PRKCE: variants seen among roughly 807,000 people sequenced by gnomAD.
PRKCE encodes the protein protein kinase C epsilon, also known as protein kinase C epsilon type.
In PRKCE, 16 loss-of-function variants were observed where a neutral mutation model predicts 85.4. The ratio of observed to expected loss-of-function variants is 0.19; its 90% CI spans 0.13 to 0.28. The LOEUF (loss-of-function observed/expected upper bound fraction) is 0.28, where lower values mean the gene tolerates loss of function less well. PRKCE is among the 10% of genes least tolerant of loss of function. The probability of loss-of-function intolerance (pLI) is 1.00; values close to 1 mark genes in which losing one functional copy is unlikely to be tolerated. For synonymous variants in PRKCE, 388 were observed against 371.5 expected (o/e 1.04, Z -0.51); for missense variants, 573 against 975.2 (o/e 0.59, Z 5.49).
At chr2:45,676,320 T>C (rs1021216986) in intron 1 of PRKCE, 2 of 152,226 alleles carry the variant, frequency 1.3e-5, no homozygotes, top group Non-Finnish European at 2.9e-5. Flanking sequence ...ATAATGCAAG[T>C]ATTCTAGTGA....
intron 1 of PRKCE, among the ~76,000 whole-genome samples, chr2:45,777,580 C>CA (rs1250950490): frequency 3.9e-5 from 6 of 152,160 alleles, no homozygotes; most frequent in African/African-American, 1.4e-4. Context: ...ATACGTCTAG[C>CA]ACCCTGCGTA....
At chr2:45,834,002 C>T (rs1405533533) in intron 1 of PRKCE, among the ~76,000 whole-genome samples, 7 of 152,178 alleles carry the variant, frequency 4.6e-5, no homozygotes, top group Non-Finnish European at 1.0e-4. Context: ...TTTCTCAGCT[C>T]AAGAAAGCAT....
At chr2:46,122,026 A>T (rs556797682) in intron 11 of PRKCE, among the ~76,000 whole-genome samples, 36 of 151,866 alleles carry the variant, frequency 2.4e-4, no homozygotes, top group African/African-American at 8.5e-4. Context: ...TCGAGTGCAC[A>T]GTTCTTAGAT....
At chr2:46,086,491 T>C in intron 11 of PRKCE, 129 bp downstream of exon 11, 2 of 1,174,714 alleles carry the variant, frequency 1.7e-6, no homozygotes, top group South Asian at 1.6e-5. Context: ...TTTGTTCCAA[T>C]TTGCTTACAG....
intron 1 of PRKCE, among the ~76,000 whole-genome samples, chr2:45,653,069 T>A (rs1208021095): frequency 2.6e-5 from 4 of 152,198 alleles, no homozygotes; most frequent in Non-Finnish European, 5.9e-5. Flanking sequence ...TCATTGCCCA[T>A]CCATGCAGAA....
intron 10 of PRKCE, among the ~76,000 whole-genome samples, chr2:46,031,591 C>CGTGTGTGT (rs58684318): frequency 0.013 from 1,826 of 144,094 alleles, 13 homozygotes; most frequent in Middle Eastern, 0.017. Flanking sequence ...ACATTCTGCT[C>CGTGTGTGT]GTGTGTGTGT....
chr2:45,782,916 T>C (rs1274156534), intron 1 of PRKCE, among the ~76,000 whole-genome samples: 3 of 152,208 alleles, frequency 2.0e-5, no homozygotes, highest in African/African-American at 7.2e-5. Context: ...TTGGAGACAG[T>C]TCACGAGAAA....
rs1015331107 is a variant in PRKCE at position 46,068,846 on chromosome 2, T to C, written c.1438-17362T>C. 6.6e-6 allele frequency among the ~76,000 whole-genome samples: 1 copy of C among 152,184 alleles called. No individual in the cohort carries two copies. Among genetic ancestry groups the C allele is most frequent in the Non-Finnish European group, 1.5e-5 (1 of 68,034 alleles). ...AAGTAGGGACTTGTGAGATACCAGA[T>C]TGAAATTTAGATTACCACCAGACGA... On this transcript the variant is annotated intron_variant, in intron 10 of 14. Coordinates refer to ENST00000306156, the MANE Select transcript of PRKCE (RefSeq NM_005400.3). The surrounding 1 kb of genome is among the most constrained non-coding windows in gnomAD (Gnocchi z 4.3).
intron 1 of PRKCE, among the ~76,000 whole-genome samples, chr2:45,770,504 C>G (rs1004847564): frequency 2.6e-5 from 4 of 152,212 alleles, no homozygotes; most frequent in African/African-American, 9.7e-5. Flanking sequence ...GGACGGTTTA[C>G]TGTTTCCACA....
intron 2 of PRKCE, among the ~76,000 whole-genome samples, chr2:45,965,122 C>G (rs1252043792): frequency 6.6e-6 from 1 of 152,220 alleles, no homozygotes; most frequent in African/African-American, 2.4e-5. Flanking sequence ...GTGTGCCTCT[C>G]TGGGAAGATA....
chr2:45,927,404 A>G (rs1314167335), intron 2 of PRKCE, among the ~76,000 whole-genome samples: 2 of 152,184 alleles, frequency 1.3e-5, no homozygotes, highest in African/African-American at 4.8e-5. Context: ...CAATCTTCCT[A>G]TGAAGCAGGT....
rs183698268 is a variant in PRKCE, at chr2:46,049,702, C to T, written c.1438-36506C>T. On this transcript the variant is annotated intron_variant, in intron 10 of 14. Transcript: ENST00000306156. ...GGGCTTCCCTCTGCTTTCCACTCTGCATTCTCGTAAATCCCACCTCTTCTA... is the reference window on the plus strand; with the variant it reads ...GGGCTTCCCTCTGCTTTCCACTCTGTATTCTCGTAAATCCCACCTCTTCTA... Among the ~76,000 whole-genome samples the T allele has an allele frequency of 6.6e-5, 10 of 152,330 alleles. No individual in the cohort carries two copies. The East Asian group carries it at 1.9e-3, about 29-fold the overall frequency.
chr2:45,884,534 T>C (rs1415195049), intron 2 of PRKCE, among the ~76,000 whole-genome samples: 1 of 152,126 alleles, frequency 6.6e-6, no homozygotes, highest in African/African-American at 2.4e-5. Context: ...TGGCAGCAAG[T>C]GTCTTGTCTC....
intron 1 of PRKCE, among the ~76,000 whole-genome samples, chr2:45,674,450 G>C (rs672263): frequency 0.54 from 81,521 of 151,958 alleles, 22,663 homozygotes; most frequent in Admixed American, 0.63. Context: ...GTACTAACTG[G>C]AGACCAGGCT....
intron 1 of PRKCE, among the ~76,000 whole-genome samples, chr2:45,670,765 G>T (rs781213262): frequency 5.3e-5 from 8 of 152,338 alleles, no homozygotes; most frequent in Non-Finnish European, 1.0e-4. Flanking sequence ...ATTTGTAGAG[G>T]AGGTGGCTTT....
At chr2:45,666,217 A>G (rs1480619409) in intron 1 of PRKCE, among the ~76,000 whole-genome samples, 1 of 152,148 alleles carries the variant, frequency 6.6e-6, no homozygotes, top group Non-Finnish European at 1.5e-5. Flanking sequence ...CCTGAGTACT[A>G]ATTCATGGAG....
At chr2:45,763,352 A>G (rs797001854) in intron 1 of PRKCE, among the ~76,000 whole-genome samples, 1 of 152,194 alleles carries the variant, frequency 6.6e-6, no homozygotes. Flanking sequence ...GGAACTTTTC[A>G]GTAAAAAACA....
chr2:45,947,836 G>A (rs760768048), intron 2 of PRKCE, among the ~76,000 whole-genome samples: 2 of 152,158 alleles, frequency 1.3e-5, no homozygotes, highest in Non-Finnish European at 2.9e-5. Context: ...TGGGACTATC[G>A]AGTCAAAATT....
At chr2:46,143,812 C>A (rs557053849) in intron 11 of PRKCE, among the ~76,000 whole-genome samples, 8 of 152,256 alleles carry the variant, frequency 5.3e-5, no homozygotes, top group South Asian at 2.1e-4. Context: ...GCTCTTTTTT[C>A]TCAAGAAGTC....
Sources: gnomAD v4.1 joint callset for allele counts (sites outside exome capture counted in the v4.1 genomes callset) on GRCh38, gnomAD v4.1.1 for gene constraint, Gnocchi (gnomAD v3.1) non-coding constraint, MANE v1.5 for transcripts, NCBI Gene and HGNC (gene_info 2026-07-23, HGNC 2026-07-21) for gene names.